The following SLC17A3 variants were observed in gnomAD, a reference collection of about 807,000 sequenced individuals.
The protein encoded by SLC17A3 is sodium-dependent phosphate transport protein 4.
A neutral mutation model predicts 60.3 loss-of-function variants in SLC17A3; 61 were observed. That is an observed-to-expected ratio of 1.01 (90% CI 0.82 to 1.25). The LOEUF is 1.25. SLC17A3 is among the 50% of genes most tolerant of loss of function. The pLI is 0.00. For missense variants in SLC17A3, 624 were observed against 594.9 expected, an observed-to-expected ratio of 1.05 and a Z score of -0.51; for synonymous variants, 192 against 208.9, an observed-to-expected ratio of 0.92 and a Z score of 0.70.
chr6:25,853,645 C>G (rs1347358359), intron 6 of SLC17A3, among the ~76,000 whole-genome samples: 1 of 151,938 alleles, frequency 6.6e-6, no homozygotes, highest in Admixed American at 6.6e-5. Flanking sequence ...GTCTCGATCT[C>G]CTGACTTCAT....
In SLC17A3 at chr6:25,850,779, T is replaced by C. The variant is rs768538258; in HGVS notation, c.811A>G (p.Ile271Val). ...WISTSEKEYI[I>V]SSLKQQVGSS... Reference sequence around the variant, plus strand: ...TGTACCTGTTGTTTCAAGGAGGATATGATGTATTCTTTTTCTGAGGTGCTT... The same window carrying C: ...TGTACCTGTTGTTTCAAGGAGGATACGATGTATTCTTTTTCTGAGGTGCTT... Residue 271 changes from isoleucine to valine, a missense_variant, in exon 7 of 13, where the codon ATA (isoleucine) becomes GTA (valine). Transcript: ENST00000397060. 4 of 1,613,688 alleles carry C rather than the reference T, an allele frequency of 2.5e-6. No individual in the cohort carries two copies. Among genetic ancestry groups the C allele is most frequent in the Non-Finnish European group, 3.4e-6 (4 of 1,179,608 alleles).
intron 6 of SLC17A3, among the ~76,000 whole-genome samples, chr6:25,854,880 T>C (rs1232183079): frequency 6.6e-6 from 1 of 152,198 alleles, no homozygotes; most frequent in Non-Finnish European, 1.5e-5. Flanking sequence ...GCCTATCCCC[T>C]ACTGCCTTCA....
chr6:25,848,856 TA>T (rs1216848960), intron 11 of SLC17A3, among the ~76,000 whole-genome samples: 1 of 152,074 alleles, frequency 6.6e-6, no homozygotes, highest in African/African-American at 2.4e-5. Flanking sequence ...GAGAAAGGAC[TA>T]ATATCCAGAA....
At position 25,868,449 on chromosome 6, in the gene SLC17A3, A is replaced by G. The variant is rs570122112; in HGVS notation, c.-33-29T>C. On this transcript the variant is annotated intron_variant, in intron 1 of 12. Transcript: ENST00000397060. ...TCAGGGAGATATGTAATTCACATGC[A>G]TCAGTTGAGAGAAAGAGACTCCCCG... 10 of 1,365,418 alleles carry G rather than the reference A, an allele frequency of 7.3e-6. No homozygotes were observed. In the Admixed American group the frequency reaches 8.5e-5, roughly 12 times the overall value. 84.6% of individuals were successfully genotyped at this position (1,365,418 alleles called of 1,614,324 possible).
chr6:25,849,231 T>C, intron 11 of SLC17A3, 143 bp downstream of exon 11: 2 of 665,698 alleles, frequency 3.0e-6, no homozygotes, highest in South Asian at 3.4e-5. Flanking sequence ...GAAATGATTC[T>C]ATATTTTTCT....
chr6:25,852,161 C>T (rs1306920837), intron 6 of SLC17A3, among the ~76,000 whole-genome samples: 1 of 151,726 alleles, frequency 6.6e-6, no homozygotes, highest in Admixed American at 6.6e-5. Context: ...AGATGTTGTT[C>T]CACTGCCTTC....
chr6:25,849,967 A>T lies in SLC17A3; in HGVS notation c.1124-15T>A, dbSNP rs1765244400. 1.9e-6 allele frequency: 3 copies of T among 1,613,958 alleles called. No homozygotes were observed. The South Asian group carries it at 3.3e-5, about 18-fold the overall frequency. Reference sequence around the variant, plus strand: ...GGGGAGACTTCCTAGGAAATGAAGAAGAAACCAATTAAACAGTGAGATGCA... The same window carrying T: ...GGGGAGACTTCCTAGGAAATGAAGATGAAACCAATTAAACAGTGAGATGCA... On this transcript the variant is annotated splice_polypyrimidine_tract_variant and intron_variant, in intron 9 of 12. Coordinates refer to ENST00000397060, the MANE Select transcript of SLC17A3 (RefSeq NM_001098486.2).
chr6:25,873,667 C>T (rs939531926), intron 1 of SLC17A3, among the ~76,000 whole-genome samples: 1 of 152,082 alleles, frequency 6.6e-6, no homozygotes, highest in Non-Finnish European at 1.5e-5. Flanking sequence ...GATCTTGATG[C>T]AGCATTTCTC....
intron 5 of SLC17A3, among the ~76,000 whole-genome samples, chr6:25,860,479 G>A (rs1244100183): frequency 6.6e-6 from 1 of 152,122 alleles, no homozygotes; most frequent in Non-Finnish European, 1.5e-5. Flanking sequence ...ACTGAGGAAA[G>A]CAGGCAGGTT....
In SLC17A3 at chr6:25,845,216, C is replaced by A. The variant is rs950456087; in HGVS notation, c.*85G>T. On this transcript the variant is annotated 3_prime_UTR_variant, in exon 13 of 13. Coordinates refer to ENST00000397060, the MANE Select transcript of SLC17A3 (RefSeq NM_001098486.2). ...AAAAGAGCCACAGGAAAAAAAAAAT[C>A]TTTTCACTGGTATTTTCATCACGGA... 12 of 693,978 alleles carry A rather than the reference C, an allele frequency of 1.7e-5. No individual in the cohort carries two copies. The highest frequency in any genetic ancestry group is 7.3e-5 in the African/African-American group (4 of 54,980). 43.0% of individuals were successfully genotyped at this position (693,978 alleles called of 1,614,324 possible).
At chr6:25,872,057 G>A (rs1311679383) in intron 1 of SLC17A3, among the ~76,000 whole-genome samples, 1 of 151,968 alleles carries the variant, frequency 6.6e-6, no homozygotes, top group Non-Finnish European at 1.5e-5. Flanking sequence ...AATTTTTCAA[G>A]CTAGTTGTTG....
chr6:25,864,654 G>A (rs1184498), intron 2 of SLC17A3, among the ~76,000 whole-genome samples: 4 of 151,766 alleles, frequency 2.6e-5, no homozygotes, highest in African/African-American at 9.7e-5. Flanking sequence ...TTGTAAGGTA[G>A]GGTGGTCAAG....
chr6:25,846,685 A>C (rs902911997), intron 11 of SLC17A3, among the ~76,000 whole-genome samples: 1 of 152,038 alleles, frequency 6.6e-6, no homozygotes, highest in Non-Finnish European at 1.5e-5. Context: ...ATCTCGGCTC[A>C]CTGCAGCCTC....
At chr6:25,859,188 C>A (rs1765406941) in intron 5 of SLC17A3, among the ~76,000 whole-genome samples, 1 of 152,028 alleles carries the variant, frequency 6.6e-6, no homozygotes, top group Admixed American at 6.6e-5. Context: ...ACTAAGAATA[C>A]CATGTTTATC....
intron 11 of SLC17A3, among the ~76,000 whole-genome samples, chr6:25,847,138 A>T (rs543934596): frequency 1.1e-3 from 166 of 151,944 alleles, no homozygotes; most frequent in African/African-American, 3.8e-3. Context: ...ATGAATGCTC[A>T]TCCTTTGTCT....
intron 6 of SLC17A3, among the ~76,000 whole-genome samples, chr6:25,853,408 T>G (rs1159085556): frequency 1.3e-4 from 6 of 46,310 alleles, no homozygotes; most frequent in Non-Finnish European, 2.2e-4. Context: ...TTCTGCATGT[T>G]TTTTTTTTTT....
chr6:25,867,810 C>G (rs1437279117), intron 2 of SLC17A3, among the ~76,000 whole-genome samples: 1 of 151,828 alleles, frequency 6.6e-6, no homozygotes, highest in African/African-American at 2.4e-5. Flanking sequence ...AAACTATATG[C>G]TGTCAAGTTA....
At chr6:25,872,896 G>A (rs1195212308) in intron 1 of SLC17A3, among the ~76,000 whole-genome samples, 1 of 151,952 alleles carries the variant, frequency 6.6e-6, no homozygotes, top group African/African-American at 2.4e-5. Context: ...TCACATGACA[G>A]TCTACCACCT....
In SLC17A3 at chr6:25,851,956, A is replaced by G. The variant is rs1165186; in HGVS notation, c.713-1079T>C. On this transcript the variant is annotated intron_variant, in intron 6 of 12. Transcript: ENST00000397060. ...TTTGGCAGGTTTATCCCTATGTTGA[A>G]TATTTTTTATGCTATTGAAAATCGT... Among the ~76,000 whole-genome samples, 879 of 152,210 alleles carry G rather than the reference A, an allele frequency of 5.8e-3. 9 individuals are homozygous for G. Among genetic ancestry groups the G allele is most frequent in the African/African-American group, 0.021 (855 of 41,554 alleles).
Sources: gnomAD v4.1 joint callset for allele counts (sites outside exome capture counted in the v4.1 genomes callset) on GRCh38, gnomAD v4.1.1 for gene constraint, MANE v1.5 for transcripts, NCBI Gene and HGNC (gene_info 2026-07-23, HGNC 2026-07-21) for gene names.